ABCA4: variants seen among roughly 807,000 people sequenced by gnomAD.
ABCA4 encodes ATP binding cassette subfamily A member 4.
In ABCA4, 196 loss-of-function variants were observed where a neutral mutation model predicts 263.7. That is an observed-to-expected ratio of 0.74 (90% CI 0.66 to 0.84). The LOEUF (loss-of-function observed/expected upper bound fraction) is 0.84. Ranked by LOEUF, ABCA4 falls within the 40% of genes least tolerant of loss-of-function variation. The pLI is 0.00. For missense variants in ABCA4, 2,792 were observed against 2,855.1 expected (o/e 0.98, Z 0.50); for synonymous variants, 1,133 against 1,094.2 (o/e 1.04, Z -0.70).
At chr1:94,008,939 G>A in intron 40 of ABCA4, 68 bp from the exon 41 acceptor site, 1 of 1,592,136 alleles carries the variant, frequency 6.3e-7, no homozygotes, top group Non-Finnish European at 8.5e-7. Context: ...CTTTCCATGG[G>A]ACCTCTCTTC....
Position 94,008,629 on chromosome 1 carries a change from A to C in ABCA4, c.5835+122T>G, listed in dbSNP as rs2275032. ...GTTATAACACAGGGATGATGACCCT[A>C]CATAAAACTGGGAACCAAATTGCTT... On this transcript the variant is annotated intron_variant, in intron 41 of 49. Transcript: ENST00000370225. 0.18 allele frequency: 232,136 copies of C among 1,322,324 alleles called. 21,308 individuals carry two copies. The highest frequency in any genetic ancestry group is 0.24 in the African/African-American group (16,278 of 69,060). 81.9% of individuals were successfully genotyped at this position (1,322,324 alleles called of 1,614,324 possible). A position where few individuals can be genotyped will look rare whatever the true frequency, so the allele number is the denominator to read the frequency against.
At chr1:93,996,286 AG>A in intron 48 of ABCA4, 91 bp from the exon 49 acceptor site, 1 of 993,668 alleles carries the variant, frequency 1.0e-6, no homozygotes, top group Non-Finnish European at 1.6e-6. Context: ...TATTTTCCAC[AG>A]TTCACATACA....
intron 17 of ABCA4, among the ~76,000 whole-genome samples, chr1:94,049,195 A>G (rs1020813324): frequency 6.6e-6 from 1 of 152,192 alleles, no homozygotes; most frequent in African/African-American, 2.4e-5. Flanking sequence ...AGGAGCCCAC[A>G]GTTTCAGAAA....
intron 41 of ABCA4, 42 bp from the exon 42 acceptor site, chr1:94,008,339 T>A: frequency 6.3e-7 from 1 of 1,595,612 alleles, no homozygotes; most frequent in Non-Finnish European, 8.6e-7. Flanking sequence ...TGAGACAGGG[T>A]GAGAGCAAGG....
chr1:94,070,033 C>G (rs1012662622), intron 11 of ABCA4, among the ~76,000 whole-genome samples: 16 of 152,238 alleles, frequency 1.1e-4, no homozygotes, highest in Admixed American at 1.3e-4. Context: ...AAGAGAATCA[C>G]CTGGCTGACA....
chr1:94,043,780 G>GA (rs943345999), intron 20 of ABCA4, among the ~76,000 whole-genome samples: 5 of 140,204 alleles, frequency 3.6e-5, no homozygotes, highest in African/African-American at 7.9e-5. Flanking sequence ...CCTTTTTTTT[G>GA]AAAAAAAAGT....
chr1:94,019,863 G>C lies in ABCA4; in HGVS notation c.5019-104C>G, dbSNP rs987243089. Reference sequence around the variant, plus strand: ...TTGGGAAGGCCTTACACCCGCCCAGGTGTGGCCTCCAGGTTCCTCTTCTCT... The same window carrying C: ...TTGGGAAGGCCTTACACCCGCCCAGCTGTGGCCTCCAGGTTCCTCTTCTCT... On this transcript the variant is annotated intron_variant, in intron 35 of 49. Transcript: ENST00000370225. 2.7e-5 allele frequency: 35 copies of C among 1,288,172 alleles called. No individual in the cohort carries two copies. The Admixed American group carries it at 4.3e-4, about 16-fold the overall frequency. 79.8% of individuals were successfully genotyped at this position (1,288,172 alleles called of 1,614,324 possible). A position where few individuals can be genotyped will look rare whatever the true frequency, so the allele number is the denominator to read the frequency against.
intron 39 of ABCA4, 144 bp from the exon 40 acceptor site, chr1:94,011,073 C>T: frequency 6.5e-7 from 1 of 1,546,832 alleles, no homozygotes; most frequent in Non-Finnish European, 8.8e-7. Context: ...TGCCCTCCAT[C>T]CCTCCTGTGG....
Position 94,021,847 on chromosome 1 carries a change from C to T in ABCA4, c.4772G>A (p.Gly1591Glu), listed in dbSNP as rs1472640519. Residue 1591 changes from glycine to glutamate, a missense_variant and splice_region_variant, in exon 33 of 50, where the codon GGG becomes GAG. Physicochemically the swap from Gly to Glu is moderately conservative, Grantham distance 98 (BLOSUM62 -2). Coordinates refer to ENST00000370225, the MANE Select transcript of ABCA4 (RefSeq NM_000350.3). ...CAAATCTCCAGTCTGTTTACATACC[C>T]CGCTCACATTCATGATCCGGCCAAG... ...SDLGRIMNVSGGPITREASKE... is the reference protein window; with the variant it reads ...SDLGRIMNVSEGPITREASKE... The T allele has an allele frequency of 2.5e-6, 4 of 1,614,122 alleles. No individual in the cohort carries two copies. In the South Asian group the frequency reaches 3.3e-5, roughly 13 times the overall value.
intron 23 of ABCA4, among the ~76,000 whole-genome samples, chr1:94,040,954 C>T (rs774501259): frequency 3.3e-5 from 5 of 152,232 alleles, no homozygotes; most frequent in South Asian, 2.1e-4. Flanking sequence ...TGCACCAAAC[C>T]GCACCAAACT....
intron 6 of ABCA4, among the ~76,000 whole-genome samples, chr1:94,086,310 A>G (rs1172566896): frequency 6.6e-6 from 1 of 152,230 alleles, no homozygotes; most frequent in East Asian, 1.9e-4. Flanking sequence ...ATGTCCAACT[A>G]AGGAAGGTTC....
chr1:93,997,972 G>A lies in ABCA4; in HGVS notation c.6618C>T (p.Leu2206=). The A allele has an allele frequency of 6.2e-7, 1 of 1,614,136 alleles. No individual in the cohort carries two copies. The highest frequency in any genetic ancestry group is 8.5e-7 in the Non-Finnish European group (1 of 1,180,016). Residue 2206 remains leucine, a synonymous_variant, in exon 48 of 50, where the codon CTC becomes CTT. Transcript: ENST00000370225. ...GGGAGGAGGAGGAGACCTGGAACTGGAGCATGTTGTAGTGCCTCTCCCTCT... is the reference window on the plus strand; with the variant it reads ...GGGAGGAGGAGGAGACCTGGAACTGAAGCATGTTGTAGTGCCTCTCCCTCT... The part of the protein sequence containing the change: ...SVQRERHYNM[L]QFQVSSSSLA...
At chr1:94,001,589 C>A (rs1366425570) in intron 45 of ABCA4, 3 of 628,654 alleles carry the variant, frequency 4.8e-6, no homozygotes, top group Middle Eastern at 2.5e-4. Flanking sequence ...CTGAACTTCC[C>A]GGCTGTGAGC....
intron 1 of ABCA4, 84 bp downstream of exon 1, chr1:94,120,896 C>T (rs532119693): frequency 1.3e-5 from 9 of 686,790 alleles, no homozygotes; most frequent in Admixed American, 1.3e-4. Flanking sequence ...TGCCCCACCA[C>T]CCTACCCCAC....
chr1:94,121,019 AAGCTGT>A lies in ABCA4; in HGVS notation c.21_26del (p.Gln8_Leu9del). 6.2e-7 allele frequency: 1 copy of A among 1,614,052 alleles called. No homozygotes were observed. The highest frequency in any genetic ancestry group is 8.5e-7 in the Non-Finnish European group (1 of 1,180,028). ...GCAGGGTCCAGTTCTTCCAGAGCAA[AAGCTGT>A]ATCTGTCTCACGAAGCCCATGCTAA... is the stretch of plus-strand genomic sequence containing the variant. On this transcript the variant is annotated inframe_deletion, in exon 1 of 50. Coordinates refer to ENST00000370225, the MANE Select transcript of ABCA4 (RefSeq NM_000350.3).
Position 94,048,858 on chromosome 1 carries a change from G to C in ABCA4, c.2743+10C>G. On this transcript the variant is annotated intron_variant, in intron 18 of 49. Coordinates refer to ENST00000370225, the MANE Select transcript of ABCA4 (RefSeq NM_000350.3). Reference sequence around the variant, plus strand: ...TCGCCTCTGCTGTGTATTCTTTATCGGGGTTTTACCGTGTATTCCTTCTGG... The same window carrying C: ...TCGCCTCTGCTGTGTATTCTTTATCCGGGTTTTACCGTGTATTCCTTCTGG... The C allele has an allele frequency of 6.2e-7, 1 of 1,613,662 alleles. No homozygotes were observed. Among genetic ancestry groups the C allele is most frequent in the Non-Finnish European group, 8.5e-7 (1 of 1,179,676 alleles).
At chr1:94,011,437 C>G (rs756049879) in intron 38 of ABCA4, 52 bp from the exon 39 acceptor site, 5 of 1,544,690 alleles carry the variant, frequency 3.2e-6, no homozygotes, top group African/African-American at 3.5e-5. Context: ...CACCCCCCCT[C>G]TCTTCAGCAG....
intron 8 of ABCA4, 134 bp downstream of exon 8, chr1:94,080,344 G>T: frequency 8.1e-7 from 1 of 1,232,938 alleles, no homozygotes; most frequent in Non-Finnish European, 1.2e-6. Context: ...CTTTCTGGGA[G>T]AAGTCTCTTT....
intron 20 of ABCA4, 66 bp downstream of exon 20, chr1:94,044,547 G>T: frequency 6.2e-7 from 1 of 1,613,410 alleles, no homozygotes. Context: ...CTGGGCTCTA[G>T]AGAAGTGTGC....
Sources: allele counts gnomAD v4.1 joint callset (sites outside exome capture counted in the v4.1 genomes callset), GRCh38; gene constraint gnomAD v4.1.1; transcripts MANE v1.5; gene names NCBI Gene and HGNC (gene_info 2026-07-23, HGNC 2026-07-21).